PRKN: variants seen among roughly 807,000 people sequenced by gnomAD.
PRKN encodes E3 ubiquitin-protein ligase parkin.
In PRKN, 56 loss-of-function variants were observed where a neutral mutation model predicts 59.5. The ratio of observed to expected loss-of-function variants is 0.94; its 90% confidence interval spans 0.76 to 1.18. The LOEUF (loss-of-function observed/expected upper bound fraction) is 1.18, where lower values mean the gene tolerates loss of function less well. Among genes scored for constraint, PRKN ranks in the 50% most tolerant of loss-of-function variants. The probability of loss-of-function intolerance (pLI) is 0.00; values close to 1 mark genes in which losing one functional copy is unlikely to be tolerated. For synonymous variants in PRKN, 250 were observed against 222.1 expected (o/e 1.13, Z -1.12); for missense variants, 657 against 596.4 (o/e 1.10, Z -1.06).
chr6:162,560,006 A>G (rs1038840114), intron 1 of PRKN, among the ~76,000 whole-genome samples: 2 of 152,234 alleles, frequency 1.3e-5, no homozygotes, highest in Admixed American at 6.5e-5. Context: ...AGTAAGCTCA[A>G]TTAACATCTG....
chr6:161,383,193 A>G (rs913470055), intron 10 of PRKN, among the ~76,000 whole-genome samples: 1 of 152,208 alleles, frequency 6.6e-6, no homozygotes, highest in Non-Finnish European at 1.5e-5. Flanking sequence ...GCTGCTTGAG[A>G]GAAATGTAGG....
chr6:161,821,645 G>GAACTTAC (rs992312815), intron 6 of PRKN, among the ~76,000 whole-genome samples: 3 of 146,910 alleles, frequency 2.0e-5, no homozygotes, highest in African/African-American at 7.5e-5. Context: ...GTACAGGAGA[G>GAACTTAC]AACTTACATC....
In PRKN at chr6:162,490,172, T is replaced by C. The variant is rs1049131638; in HGVS notation, c.8-46699A>G. Among the ~76,000 whole-genome samples the C allele has an allele frequency of 5.9e-5, 9 of 152,308 alleles. No homozygotes were observed. The East Asian group carries it at 1.2e-3, about 20-fold the overall frequency. ...TTAAAACACTGCCTGCAGGAGCCTC[T>C]ACACCCTTATTACTTTCTGGGTTAT... On this transcript the variant is annotated intron_variant, in intron 1 of 11. Coordinates refer to ENST00000366898, the MANE Select transcript of PRKN (RefSeq NM_004562.3).
At chr6:161,847,980 T>C (rs1043697386) in intron 6 of PRKN, among the ~76,000 whole-genome samples, 1 of 152,180 alleles carries the variant, frequency 6.6e-6, no homozygotes, top group African/African-American at 2.4e-5. Context: ...GAGCTCTCAG[T>C]GACCTCGCTG....
Position 161,503,960 on chromosome 6 carries a change from C to G in PRKN, c.1083+44894G>C, listed in dbSNP as rs571442217. 3.3e-5 allele frequency among the ~76,000 whole-genome samples: 5 copies of G among 152,280 alleles called. No individual in the cohort carries two copies. Among genetic ancestry groups the G allele is most frequent in the Non-Finnish European group, 7.4e-5 (5 of 68,022 alleles). ...AAGAACCTCTGTGGTCAACCTAATT[C>G]TTTGCTATATCCATGATCTGGATTT... is the stretch of plus-strand genomic sequence containing the variant. On this transcript the variant is annotated intron_variant, in intron 9 of 11. Transcript: ENST00000366898. The surrounding 1 kb of genome is among the most constrained non-coding windows in gnomAD (Gnocchi z 5.1).
intron 1 of PRKN, among the ~76,000 whole-genome samples, chr6:162,538,141 G>A (rs1486111189): frequency 1.3e-5 from 2 of 152,208 alleles, no homozygotes. Flanking sequence ...GCTCACGCCT[G>A]TAATCCCAGC....
At chr6:162,446,054 G>C (rs962697767) in intron 1 of PRKN, among the ~76,000 whole-genome samples, 7 of 152,084 alleles carry the variant, frequency 4.6e-5, no homozygotes, top group African/African-American at 7.2e-5. Flanking sequence ...TAATTACGGA[G>C]GAAAAGGTGC....
intron 1 of PRKN, among the ~76,000 whole-genome samples, chr6:162,708,378 G>A (rs1778409095): frequency 6.6e-6 from 1 of 152,158 alleles, no homozygotes; most frequent in Non-Finnish European, 1.5e-5. Flanking sequence ...TCATATCTTT[G>A]TCTTAATTAC....
At chr6:162,091,435 A>T (rs779867487) in intron 4 of PRKN, among the ~76,000 whole-genome samples, 35 of 152,310 alleles carry the variant, frequency 2.3e-4, no homozygotes, top group Non-Finnish European at 4.7e-4. Flanking sequence ...AGACTTACAA[A>T]CATCACCATC....
chr6:161,615,486 CAG>C (rs764675096), intron 7 of PRKN, among the ~76,000 whole-genome samples: 8 of 152,182 alleles, frequency 5.3e-5, no homozygotes, highest in Non-Finnish European at 8.8e-5. Flanking sequence ...GAAAAAACAG[CAG>C]AGTGTCGATG....
At chr6:161,961,499 A>G (rs1397209528) in intron 6 of PRKN, among the ~76,000 whole-genome samples, 1 of 152,154 alleles carries the variant, frequency 6.6e-6, no homozygotes, top group Non-Finnish European at 1.5e-5. Flanking sequence ...ATTATAAAAG[A>G]ATCTTGGGGA....
intron 7 of PRKN, among the ~76,000 whole-genome samples, chr6:161,590,480 C>T (rs931320115): frequency 2.6e-5 from 4 of 152,162 alleles, no homozygotes; most frequent in Admixed American, 2.6e-4. Context: ...CGCCTGTAAT[C>T]CCAGAACTTT....
chr6:161,902,546 C>CTATT (rs139514314), intron 6 of PRKN, among the ~76,000 whole-genome samples: 2 of 100,260 alleles, frequency 2.0e-5, no homozygotes, highest in African/African-American at 8.5e-5. Flanking sequence ...ATCTATCTAT[C>CTATT]TATTTATTTA....
At position 161,360,703 on chromosome 6, in the gene PRKN, C is replaced by G. The variant is rs960625603; in HGVS notation, c.1168-498G>C. ...TACATCTTGTTATCCTTCCTTGCAC[C>G]TGGCAAATGGGGAACTCCAAATGTT... On this transcript the variant is annotated intron_variant, in intron 10 of 11. Transcript: ENST00000366898. This position sits in a 1 kb window ranked among gnomAD's most constrained non-coding sequence, Gnocchi z 5.1. 1.3e-5 allele frequency among the ~76,000 whole-genome samples: 2 copies of G among 152,078 alleles called. No homozygotes were observed. Among genetic ancestry groups the G allele is most frequent in the East Asian group, 3.9e-4 (2 of 5,174 alleles).
At chr6:162,687,038 T>A (rs185735656) in intron 1 of PRKN, among the ~76,000 whole-genome samples, 1,562 of 152,020 alleles carry the variant, frequency 0.01, 12 homozygotes, top group Non-Finnish European at 0.015. Context: ...TCCATATGAA[T>A]TTTAGGACTG....
chr6:162,559,222 G>A (rs1313479992), intron 1 of PRKN, among the ~76,000 whole-genome samples: 6 of 151,148 alleles, frequency 4.0e-5, no homozygotes, highest in Admixed American at 4.0e-4. Flanking sequence ...TGTGTTACCA[G>A]GAAATTCACT....
intron 6 of PRKN, among the ~76,000 whole-genome samples, chr6:161,934,993 C>A (rs1480786428): frequency 1.3e-5 from 2 of 152,018 alleles, no homozygotes; most frequent in South Asian, 2.1e-4. Context: ...AAGAGTTGCA[C>A]AGGAAGAATT....
chr6:162,092,175 G>A (rs1029628388), intron 4 of PRKN, among the ~76,000 whole-genome samples: 3 of 152,174 alleles, frequency 2.0e-5, no homozygotes, highest in African/African-American at 2.4e-5. Flanking sequence ...CCAACATGGC[G>A]AAACCCCGGC....
intron 4 of PRKN, among the ~76,000 whole-genome samples, chr6:162,114,921 G>A (rs1298261407): frequency 6.6e-6 from 1 of 151,880 alleles, no homozygotes; most frequent in Non-Finnish European, 1.5e-5. Context: ...TTCAACCATT[G>A]TGGAAGTCAG....
Sources: gnomAD v4.1 joint callset for allele counts (sites outside exome capture counted in the v4.1 genomes callset) on GRCh38, gnomAD v4.1.1 for gene constraint, Gnocchi (gnomAD v3.1) non-coding constraint, MANE v1.5 for transcripts, NCBI Gene and HGNC (gene_info 2026-07-23, HGNC 2026-07-21) for gene names.